The following ZNF503 variants were observed in gnomAD, a reference collection of about 807,000 sequenced individuals.
ZNF503 encodes the protein NocA-like zinc finger 2.
ZNF503 carries 15 observed loss-of-function variants against 34.4 expected under a neutral mutation model. That is an observed-to-expected ratio of 0.44 (90% confidence interval 0.29 to 0.67). The LOEUF is 0.67. Ranked by LOEUF, ZNF503 falls within the 30% of genes least tolerant of loss-of-function variation. The probability of loss-of-function intolerance (pLI) is 0.13; values close to 1 mark genes in which losing one functional copy is unlikely to be tolerated. For synonymous variants in ZNF503, 580 were observed against 456.8 expected, an observed-to-expected ratio of 1.27 and a Z score of -3.44; for missense variants, 1,007 against 926.8, an observed-to-expected ratio of 1.09 and a Z score of -1.12.
At chr10:75,329,567 G>GT in the ZNF503 span, among the ~76,000 whole-genome samples, 1 of 152,006 alleles carries the variant, frequency 6.6e-6, no homozygotes, top group East Asian at 1.9e-4. Context: ...CTGCACTCAA[G>GT]TGATCCTCCT....
chr10:75,286,025 G>A, the ZNF503 span, among the ~76,000 whole-genome samples: 2 of 152,206 alleles, frequency 1.3e-5, no homozygotes, highest in African/African-American at 4.8e-5. Context: ...GCTCACACCT[G>A]TAATTCCAGC....
the ZNF503 span, among the ~76,000 whole-genome samples, chr10:75,365,305 A>G: frequency 0.43 from 65,669 of 151,882 alleles, 15,694 homozygotes; most frequent in African/African-American, 0.65. Flanking sequence ...GTGCCACCAC[A>G]CCCGGCTAAT....
chr10:75,359,810 G>A, the ZNF503 span, among the ~76,000 whole-genome samples: 1 of 152,104 alleles, frequency 6.6e-6, no homozygotes, highest in East Asian at 1.9e-4. Flanking sequence ...CCCTGGGACT[G>A]GCCAGAAGTA....
chr10:75,371,211 G>A, the ZNF503 span, among the ~76,000 whole-genome samples: 2 of 152,172 alleles, frequency 1.3e-5, no homozygotes, highest in Admixed American at 6.5e-5. Flanking sequence ...TAGAGAAGCT[G>A]AGTCAGCACC....
At chr10:75,390,693 G>A in the ZNF503 span, among the ~76,000 whole-genome samples, 1 of 152,142 alleles carries the variant, frequency 6.6e-6, no homozygotes, top group Admixed American at 6.5e-5. Flanking sequence ...CTTGACTCTG[G>A]TTCTGGGTGA....
chr10:75,352,799 G>T, the ZNF503 span, among the ~76,000 whole-genome samples: 2 of 152,244 alleles, frequency 1.3e-5, no homozygotes, highest in Non-Finnish European at 2.9e-5. Context: ...GCAATTCAGA[G>T]CATGAGAGTG....
At chr10:75,366,538 G>C in the ZNF503 span, among the ~76,000 whole-genome samples, 1 of 152,222 alleles carries the variant, frequency 6.6e-6, no homozygotes, top group African/African-American at 2.4e-5. Context: ...TAACCGCTCT[G>C]CCTCTGTGTC....
chr10:75,356,808 G>A, the ZNF503 span, among the ~76,000 whole-genome samples: 1 of 152,184 alleles, frequency 6.6e-6, no homozygotes, highest in South Asian at 2.1e-4. Context: ...GGGAAACATT[G>A]CTCTGGGTCA....
At chr10:75,393,978 C>G (rs1398666896), downstream of ZNF503, among the ~76,000 whole-genome samples, 10 of 152,248 alleles carry the variant, frequency 6.6e-5, no homozygotes, top group Admixed American at 6.5e-4. Context: ...CCACACCCTC[C>G]TCTAGCTGGA....
rs765914444 is a variant in ZNF503, at chr10:75,401,012, C to T, written c.315+93G>A. 5 of 1,553,460 alleles carry T rather than the reference C, an allele frequency of 3.2e-6. No homozygotes were observed. The African/African-American group carries it at 5.5e-5, about 17-fold the overall frequency. On this transcript the variant is annotated intron_variant, in intron 1 of 1. Coordinates refer to ENST00000372524, the MANE Select transcript of ZNF503 (RefSeq NM_032772.6). ...CATTCGGGAGCTGAATCACTCCGACCCCCCCACCTCCGCCCAGATCCCGAG... is the reference window on the plus strand; with the variant it reads ...CATTCGGGAGCTGAATCACTCCGACTCCCCCACCTCCGCCCAGATCCCGAG...
At chr10:75,291,481 T>A in the ZNF503 span, among the ~76,000 whole-genome samples, 1 of 151,992 alleles carries the variant, frequency 6.6e-6, no homozygotes, top group African/African-American at 2.4e-5. Flanking sequence ...GCATGGTGAT[T>A]TATGCCTGTA....
rs914933589 is a variant in ZNF503, at chr10:75,401,297, G to C, written c.123C>G (p.Ser41=). 6.4e-7 allele frequency: 1 copy of C among 1,563,162 alleles called. No homozygotes were observed. The highest frequency in any genetic ancestry group is 2.4e-5 in the East Asian group (1 of 42,050). Residue 41 remains serine, a synonymous_variant, in exon 1 of 2, where the codon TCC becomes TCG. Coordinates refer to ENST00000372524, the MANE Select transcript of ZNF503 (RefSeq NM_032772.6). ...CCGGGGACGAGCCTGGGCCGGGGCC[G>C]GAGCTATTTCCAGAGAGCGCGCTGG... ...AWTSALSGNS[S]GPGPGSSPAG...
the ZNF503 span, among the ~76,000 whole-genome samples, chr10:75,304,608 T>G: frequency 1.3e-5 from 2 of 152,234 alleles, no homozygotes; most frequent in Non-Finnish European, 2.9e-5. Context: ...TCAATTGTAC[T>G]TGTCATTTTA....
chr10:75,351,898 C>CA, the ZNF503 span, among the ~76,000 whole-genome samples: 1 of 150,634 alleles, frequency 6.6e-6, no homozygotes, highest in South Asian at 2.1e-4. Flanking sequence ...CCCCATTTTA[C>CA]AAATGGGGAA....
At chr10:75,316,225 T>A in the ZNF503 span, among the ~76,000 whole-genome samples, 1 of 152,154 alleles carries the variant, frequency 6.6e-6, no homozygotes, top group East Asian at 1.9e-4. Context: ...CAGATCAACC[T>A]CATAGACATA....
the ZNF503 span, among the ~76,000 whole-genome samples, chr10:75,367,851 A>G: frequency 1.2e-4 from 18 of 152,134 alleles, no homozygotes; most frequent in Non-Finnish European, 2.6e-4. Flanking sequence ...GGGGACTGCC[A>G]CACCTCCCCC....
At chr10:75,291,539 G>C in the ZNF503 span, among the ~76,000 whole-genome samples, 3 of 152,052 alleles carry the variant, frequency 2.0e-5, no homozygotes, top group African/African-American at 7.2e-5. Flanking sequence ...TGAGCCCAGG[G>C]GTTCGAGGCT....
chr10:75,318,735 G>T, the ZNF503 span, among the ~76,000 whole-genome samples: 1 of 149,584 alleles, frequency 6.7e-6, no homozygotes, highest in African/African-American at 2.5e-5. Flanking sequence ...AATAGCTAAA[G>T]GAATTTCTTT....
At chr10:75,316,966 G>C in the ZNF503 span, among the ~76,000 whole-genome samples, 2 of 152,018 alleles carry the variant, frequency 1.3e-5, no homozygotes, top group South Asian at 4.2e-4. Flanking sequence ...TTTTGAGACA[G>C]GGTCTTGCTC....
Sources: allele counts gnomAD v4.1 joint callset (sites outside exome capture counted in the v4.1 genomes callset), GRCh38; gene constraint gnomAD v4.1.1; transcripts MANE v1.5; gene names NCBI Gene and HGNC (gene_info 2026-07-23, HGNC 2026-07-21).